TBL1X: variants seen among roughly 807,000 people sequenced by gnomAD.
TBL1X encodes the protein transducin beta like 1 X-linked, also known as F-box-like/WD repeat-containing protein TBL1X.
Under a neutral mutation model 50.7 loss-of-function variants are expected in TBL1X, and 10 were observed. That is an observed-to-expected ratio of 0.20 (90% confidence interval 0.12 to 0.33). TBL1X has a LOEUF of 0.33. Among genes scored for constraint, TBL1X ranks in the 10% least tolerant of loss-of-function variants. TBL1X has a pLI of 1.00. For synonymous variants in TBL1X, 190 were observed against 214.7 expected (o/e 0.88, Z 1.01); for missense variants, 340 against 504.4 (o/e 0.67, Z 3.12).
intron 2 of TBL1X, among the ~76,000 whole-genome samples, chrX:9,585,230 GAGAC>G (rs1262572653): frequency 1.8e-5 from 2 of 110,657 alleles, no homozygotes; most frequent in South Asian, 7.8e-4. Flanking sequence ...TTCATCACCA[GAGAC>G]AGACAGTTCC....
intron 2 of TBL1X, among the ~76,000 whole-genome samples, chrX:9,638,158 A>G (rs1364994624): frequency 9.0e-6 from 1 of 111,440 alleles, no homozygotes; most frequent in Non-Finnish European, 1.9e-5. Context: ...ATGTGGAGGG[A>G]CTGTCACTAT....
intron 1 of TBL1X, among the ~76,000 whole-genome samples, chrX:9,482,261 C>T (rs1488795872): frequency 8.9e-6 from 1 of 111,951 alleles, no homozygotes; most frequent in African/African-American, 3.2e-5. Context: ...CAGATTGCCA[C>T]CACCTTCCTC....
intron 2 of TBL1X, among the ~76,000 whole-genome samples, chrX:9,577,658 C>T (rs1398245471): frequency 8.9e-6 from 1 of 111,826 alleles, no homozygotes; most frequent in East Asian, 2.8e-4. Context: ...GCCCCATATG[C>T]GCCACGATGG....
At chrX:9,576,916 C>T (rs2082415621) in intron 2 of TBL1X, among the ~76,000 whole-genome samples, 2 of 110,355 alleles carry the variant, frequency 1.8e-5, no homozygotes, top group Non-Finnish European at 1.9e-5. Flanking sequence ...GGGAGGGTTG[C>T]TTGAGCCTGG....
At chrX:9,578,297 G>T (rs904209657) in intron 2 of TBL1X, among the ~76,000 whole-genome samples, 2 of 111,000 alleles carry the variant, frequency 1.8e-5, no homozygotes, top group Non-Finnish European at 3.8e-5. Context: ...GTGCAGTGGC[G>T]CAATCAAAGC....
chrX:9,475,553 G>GT (rs368700017), intron 1 of TBL1X, among the ~76,000 whole-genome samples: 6,248 of 101,329 alleles, frequency 0.062, 467 homozygotes, highest in African/African-American at 0.2. Flanking sequence ...GCCTCATTAG[G>GT]TTTTTTTTTT....
At position 9,513,411 on chromosome X, in the gene TBL1X, A is replaced by T. The variant is rs1823647026; in HGVS notation, c.-131+11562A>T. 2.7e-5 allele frequency among the ~76,000 whole-genome samples: 3 copies of T among 111,182 alleles called. No homozygotes were observed. The South Asian group carries it at 1.2e-3, about 43-fold the overall frequency. Reference sequence around the variant, plus strand: ...ATCTGCTTCCCGACTGGGGCAGGTTAACCTCTTTCTGCCTTAGTTACCTCT... The same window carrying T: ...ATCTGCTTCCCGACTGGGGCAGGTTTACCTCTTTCTGCCTTAGTTACCTCT... On this transcript the variant is annotated intron_variant, in intron 2 of 17. Coordinates refer to ENST00000645353, the MANE Select transcript of TBL1X (RefSeq NM_005647.4).
chrX:9,551,673 T>TG, intron 2 of TBL1X, among the ~76,000 whole-genome samples: 1 of 111,236 alleles, frequency 9.0e-6, no homozygotes, highest in East Asian at 2.8e-4. Flanking sequence ...CATGGGTGTT[T>TG]GGGGAAACAC....
intron 5 of TBL1X, among the ~76,000 whole-genome samples, chrX:9,673,004 G>A (rs1449344323): frequency 8.9e-6 from 1 of 111,826 alleles, no homozygotes. Context: ...CCTTCTCCCT[G>A]TGTCCTCACG....
At chrX:9,664,596 C>T (rs1400087721) in intron 5 of TBL1X, among the ~76,000 whole-genome samples, 3 of 111,765 alleles carry the variant, frequency 2.7e-5, no homozygotes, top group African/African-American at 9.8e-5. Context: ...GGCTTCTTCC[C>T]TGCTCATTTA....
upstream of TBL1X, chrX:9,464,913 T>C (rs1407306026): frequency 9.3e-6 from 1 of 107,617 alleles, no homozygotes. Context: ...GTCCCTACCC[T>C]CGTAGGGGAG....
intron 13 of TBL1X, among the ~76,000 whole-genome samples, chrX:9,707,791 C>T (rs1287991877): frequency 8.9e-6 from 1 of 111,957 alleles, no homozygotes; most frequent in Non-Finnish European, 1.9e-5. Flanking sequence ...CTCCAGTCGG[C>T]CCCCTCCACC....
At chrX:9,590,223 G>C (rs757801366) in intron 2 of TBL1X, among the ~76,000 whole-genome samples, 3 of 111,679 alleles carry the variant, frequency 2.7e-5, no homozygotes, top group Non-Finnish European at 5.6e-5. Context: ...GCTGTGCCGG[G>C]TCTTAACTTT....
intron 2 of TBL1X, among the ~76,000 whole-genome samples, chrX:9,631,777 T>G (rs1413643187): frequency 1.8e-5 from 2 of 112,871 alleles, no homozygotes; most frequent in Admixed American, 1.9e-4. Flanking sequence ...TATTTTTATG[T>G]TTATATTTAC....
chrX:9,547,209 A>G lies in TBL1X; in HGVS notation c.-131+45360A>G, dbSNP rs1330769903. On this transcript the variant is annotated intron_variant, in intron 2 of 17. Transcript: ENST00000645353. ...GTTGCCCTAAATTTGCCCAGTGGGA[A>G]CCCCTCCAGGCTGGGCACTGTGTTC... Among the ~76,000 whole-genome samples the G allele has an allele frequency of 2.7e-5, 3 of 111,115 alleles. No individual in the cohort carries two copies. The Admixed American group carries it at 2.9e-4, about 11-fold the overall frequency.
intron 2 of TBL1X, chrX:9,636,752 GATT>G (rs1166830035): frequency 1.1e-4 from 12 of 112,497 alleles, no homozygotes; most frequent in Non-Finnish European, 2.2e-4. Flanking sequence ...CAGTGCTTTA[GATT>G]ATTATTTCTT....
intron 2 of TBL1X, among the ~76,000 whole-genome samples, chrX:9,562,151 G>C (rs369431541): frequency 1.8e-5 from 2 of 112,089 alleles, no homozygotes; most frequent in Non-Finnish European, 3.8e-5. Context: ...TTGGTATTAC[G>C]TGAGGATTAT....
At chrX:9,532,930 A>G (rs1300051012) in intron 2 of TBL1X, among the ~76,000 whole-genome samples, 1 of 111,438 alleles carries the variant, frequency 9.0e-6, no homozygotes, top group African/African-American at 3.3e-5. Context: ...TAATGTCCAG[A>G]ACAGGAAAAT....
chrX:9,519,671 C>T (rs1035984329), intron 2 of TBL1X, among the ~76,000 whole-genome samples: 1 of 111,459 alleles, frequency 9.0e-6, no homozygotes, highest in Non-Finnish European at 1.9e-5. Context: ...TTTACAGTGG[C>T]GCTGGTGTCT....
Sources: allele counts gnomAD v4.1 joint callset (sites outside exome capture counted in the v4.1 genomes callset), GRCh38; gene constraint gnomAD v4.1.1; transcripts MANE v1.5; gene names NCBI Gene and HGNC (gene_info 2026-07-23, HGNC 2026-07-21).